The following SLX4IP variants were observed in gnomAD, a reference collection of about 807,000 sequenced individuals.
The protein encoded by SLX4IP is protein SLX4IP.
Under a neutral mutation model 32.9 loss-of-function variants are expected in SLX4IP, and 34 were observed. The ratio of observed to expected loss-of-function variants is 1.03; its 90% CI spans 0.79 to 1.38. SLX4IP has a LOEUF of 1.38. SLX4IP is among the 40% of genes most tolerant of loss of function. SLX4IP has a pLI of 0.00. For synonymous variants in SLX4IP, 172 were observed against 171.7 expected (o/e 1.00, Z -0.01); for missense variants, 444 against 479.0 (o/e 0.93, Z 0.68).
At chr20:10,522,089 C>G (rs981343436) in intron 2 of SLX4IP, among the ~76,000 whole-genome samples, 1 of 152,162 alleles carries the variant, frequency 6.6e-6, no homozygotes, top group East Asian at 1.9e-4. Context: ...CTTTCACCCC[C>G]CTTCAAGAGA....
intron 2 of SLX4IP, among the ~76,000 whole-genome samples, chr20:10,546,328 G>A (rs1009077599): frequency 7.2e-5 from 11 of 152,176 alleles, no homozygotes; most frequent in Admixed American, 1.3e-4. Context: ...AGTTTTACTT[G>A]TAATGTGGTG....
At chr20:10,561,184 G>A (rs1001826032) in intron 4 of SLX4IP, among the ~76,000 whole-genome samples, 5 of 152,098 alleles carry the variant, frequency 3.3e-5, no homozygotes, top group Non-Finnish European at 7.4e-5. Flanking sequence ...TCAAATTAGA[G>A]TAATTAGCAT....
chr20:10,601,483 T>C (rs965013323), intron 5 of SLX4IP, among the ~76,000 whole-genome samples: 3 of 152,084 alleles, frequency 2.0e-5, no homozygotes, highest in Admixed American at 2.0e-4. Flanking sequence ...TGCCTGGGGG[T>C]TTCCTGTAAT....
intron 5 of SLX4IP, among the ~76,000 whole-genome samples, chr20:10,599,266 G>A (rs1307807764): frequency 6.6e-6 from 1 of 152,000 alleles, no homozygotes; most frequent in East Asian, 1.9e-4. Flanking sequence ...TCTGAGCACT[G>A]GAAAGAAAAT....
chr20:10,517,851 C>A (rs866793311), intron 2 of SLX4IP, among the ~76,000 whole-genome samples: 5 of 152,134 alleles, frequency 3.3e-5, no homozygotes, highest in Non-Finnish European at 5.9e-5. Flanking sequence ...TAGTTTCAGC[C>A]TTTGTCAAAT....
chr20:10,477,823 TC>T, intron 2 of SLX4IP, among the ~76,000 whole-genome samples: 1 of 152,128 alleles, frequency 6.6e-6, no homozygotes, highest in Non-Finnish European at 1.5e-5. Flanking sequence ...CTCCTTCTCA[TC>T]CTCTTTGGGC....
chr20:10,535,820 T>C (rs2066037557), intron 2 of SLX4IP, among the ~76,000 whole-genome samples: 1 of 152,252 alleles, frequency 6.6e-6, no homozygotes, highest in African/African-American at 2.4e-5. Context: ...AAACAAGTTC[T>C]TTCCTTCACT....
intron 2 of SLX4IP, among the ~76,000 whole-genome samples, chr20:10,515,650 G>T (rs1009260902): frequency 2.0e-5 from 3 of 152,180 alleles, no homozygotes; most frequent in African/African-American, 7.2e-5. Context: ...GGAAGGAAAT[G>T]ATGTCTTCTG....
At chr20:10,608,578 G>A (rs186543983) in intron 6 of SLX4IP, among the ~76,000 whole-genome samples, 1 of 151,444 alleles carries the variant, frequency 6.6e-6, no homozygotes, top group East Asian at 1.9e-4. Context: ...GGAGGCTGAG[G>A]TGGGAGAATG....
chr20:10,439,820 G>A (rs1012479711), intron 1 of SLX4IP, among the ~76,000 whole-genome samples: 1 of 152,212 alleles, frequency 6.6e-6, no homozygotes, highest in Admixed American at 6.5e-5. Flanking sequence ...TTATTAGGTA[G>A]CAAAGTAGAG....
intron 6 of SLX4IP, among the ~76,000 whole-genome samples, chr20:10,618,315 A>G (rs2067063446): frequency 6.6e-6 from 1 of 152,190 alleles, no homozygotes; most frequent in Non-Finnish European, 1.5e-5. Context: ...GCTTTGCCCT[A>G]TTTCTGTTTG....
At chr20:10,436,368 T>C (rs1030501198) in intron 1 of SLX4IP, among the ~76,000 whole-genome samples, 23 of 152,162 alleles carry the variant, frequency 1.5e-4, no homozygotes, top group Admixed American at 2.6e-4. Flanking sequence ...TTCTTTCTTT[T>C]TTTTTTTAGA....
At chr20:10,450,173 A>G (rs1738940304) in intron 1 of SLX4IP, among the ~76,000 whole-genome samples, 2 of 135,242 alleles carry the variant, frequency 1.5e-5, no homozygotes, top group South Asian at 4.7e-4. Context: ...GTGTAATTAA[A>G]AAATAATTGG....
chr20:10,616,970 A>G (rs970703877), intron 6 of SLX4IP, among the ~76,000 whole-genome samples: 4 of 152,178 alleles, frequency 2.6e-5, no homozygotes, highest in African/African-American at 9.7e-5. Context: ...GATTCTGCTC[A>G]GTTATCAATT....
intron 2 of SLX4IP, among the ~76,000 whole-genome samples, chr20:10,510,260 C>T (rs1405471247): frequency 6.6e-6 from 1 of 151,910 alleles, no homozygotes; most frequent in African/African-American, 2.4e-5. Context: ...GCACTGGATA[C>T]TACATCTGTC....
At chr20:10,592,811 T>A (rs376542033) in intron 4 of SLX4IP, among the ~76,000 whole-genome samples, 1 of 151,958 alleles carries the variant, frequency 6.6e-6, no homozygotes, top group East Asian at 1.9e-4. Context: ...ATTTTTTTAT[T>A]TTAGTAGAGA....
At chr20:10,501,624 G>A (rs1011410670) in intron 2 of SLX4IP, among the ~76,000 whole-genome samples, 1 of 152,222 alleles carries the variant, frequency 6.6e-6, no homozygotes, top group Non-Finnish European at 1.5e-5. Context: ...GGTTCTCGAG[G>A]GCAGCAGGCA....
intron 6 of SLX4IP, among the ~76,000 whole-genome samples, chr20:10,616,228 C>G (rs1321438298): frequency 1.3e-5 from 2 of 151,998 alleles, no homozygotes; most frequent in African/African-American, 4.8e-5. Context: ...TATTTCCATT[C>G]TAACCACTGC....
rs561423829 is a variant in SLX4IP, at chr20:10,468,215, T to A, written c.27+9984T>A. On this transcript the variant is annotated intron_variant, in intron 2 of 7. Transcript: ENST00000334534. ...ATTCTTTAGTCACTTACTAAACGCA[T>A]TCCTGCTCTGCAGAGCATCTTGAAT... is the stretch of plus-strand genomic sequence containing the variant. 3.9e-5 allele frequency among the ~76,000 whole-genome samples: 6 copies of A among 152,316 alleles called. No homozygotes were observed. The South Asian group carries it at 1.2e-3, about 32-fold the overall frequency.
Sources: allele counts gnomAD v4.1 joint callset (sites outside exome capture counted in the v4.1 genomes callset), GRCh38; gene constraint gnomAD v4.1.1; transcripts MANE v1.5; gene names NCBI Gene and HGNC (gene_info 2026-07-23, HGNC 2026-07-21).